MCPH1: variants seen among roughly 807,000 people sequenced by gnomAD.
MCPH1 encodes microcephalin 1.
MCPH1 carries 104 observed loss-of-function variants against 84.5 expected under a neutral mutation model. The ratio of observed to expected loss-of-function variants is 1.23; its 90% CI spans 1.05 to 1.45. The LOEUF (loss-of-function observed/expected upper bound fraction) is 1.45, where lower values mean the gene tolerates loss of function less well. Ranked by LOEUF, MCPH1 falls within the 40% of genes most tolerant of loss-of-function variation. MCPH1 has a pLI of 0.00. For synonymous variants in MCPH1, 514 were observed against 366.8 expected, an observed-to-expected ratio of 1.40 and a Z score of -4.58; for missense variants, 1,498 against 1,005.7, an observed-to-expected ratio of 1.49 and a Z score of -6.62.
In MCPH1 at chr8:6,518,165, A is replaced by G. The variant is rs1586299323; in HGVS notation, c.2214+18236A>G. ...AGATGAAACAATGTGATGGGGCTGCATGGTTAGCGGCTGTCCCTCTGCATC... is the reference window on the plus strand; with the variant it reads ...AGATGAAACAATGTGATGGGGCTGCGTGGTTAGCGGCTGTCCCTCTGCATC... On this transcript the variant is annotated intron_variant, in intron 12 of 13. Coordinates refer to ENST00000344683, the MANE Select transcript of MCPH1 (RefSeq NM_024596.5). Among the ~76,000 whole-genome samples, 3 of 152,256 alleles carry G rather than the reference A, an allele frequency of 2.0e-5. No individual in the cohort carries two copies. The South Asian group carries it at 6.2e-4, about 32-fold the overall frequency.
chr8:6,438,372 G>A (rs1406124986), intron 5 of MCPH1, among the ~76,000 whole-genome samples: 1 of 149,400 alleles, frequency 6.7e-6, no homozygotes, highest in Non-Finnish European at 1.5e-5. Flanking sequence ...GTATTTTTTT[G>A]TTGGGGGTGA....
intron 12 of MCPH1, among the ~76,000 whole-genome samples, chr8:6,540,121 C>G (rs186351459): frequency 1.3e-5 from 2 of 152,174 alleles, no homozygotes; most frequent in Non-Finnish European, 2.9e-5. Context: ...AATGTCTGTG[C>G]TCTGGCAAAT....
chr8:6,430,363 T>C (rs541071915), intron 3 of MCPH1, among the ~76,000 whole-genome samples: 1 of 152,304 alleles, frequency 6.6e-6, no homozygotes, highest in Admixed American at 6.5e-5. Flanking sequence ...TCCACTGCAT[T>C]GTATACTGAG....
chr8:6,537,820 TA>T (rs1335826335), intron 12 of MCPH1, among the ~76,000 whole-genome samples: 1 of 152,146 alleles, frequency 6.6e-6, no homozygotes, highest in Admixed American at 6.5e-5. Context: ...ATATGAAAAC[TA>T]TCCCCAACTT....
At position 6,442,148 on chromosome 8, in the gene MCPH1, T is replaced by A; in HGVS notation, c.662T>A (p.Leu221Ter). Reference protein sequence around the residue: ...EAPLNISRDTLCSDEYFAGGL... With the variant: ...EAPLNISRDT ...CCTTTGAACATTTCACGTGATACTT[T>A]GTGTTCAGGTAAAATTTTTATTTTC... The change falls in exon 7 of 14, where the codon TTG becomes TAG. Residue 221 changes from leucine to a stop codon, truncating the protein, a stop_gained. Coordinates refer to ENST00000344683, the MANE Select transcript of MCPH1 (RefSeq NM_024596.5). LOFTEE classifies it high-confidence loss of function. 6.2e-7 allele frequency: 1 copy of A among 1,601,998 alleles called. No individual in the cohort carries two copies. Among genetic ancestry groups the A allele is most frequent in the Non-Finnish European group, 8.6e-7 (1 of 1,169,074 alleles).
chr8:6,620,684 G>A (rs1036366741), intron 12 of MCPH1, among the ~76,000 whole-genome samples: 2 of 152,204 alleles, frequency 1.3e-5, no homozygotes, highest in South Asian at 2.1e-4. Flanking sequence ...ATAGCATCTC[G>A]CAGGGTGTGT....
At chr8:6,480,897 G>T in intron 11 of MCPH1, 21 bp downstream of exon 11, 1 of 1,612,600 alleles carries the variant, frequency 6.2e-7, no homozygotes, top group South Asian at 1.1e-5. Context: ...TGTGTGAACT[G>T]CGTATTTTAA....
chr8:6,477,998 G>A lies in MCPH1; in HGVS notation c.1973+367G>A, dbSNP rs1024466973. Among the ~76,000 whole-genome samples the A allele has an allele frequency of 2.0e-5, 3 of 152,206 alleles. No homozygotes were observed. In the South Asian group the frequency reaches 6.2e-4, roughly 32 times the overall value. On this transcript the variant is annotated intron_variant, in intron 10 of 13. Transcript: ENST00000344683. ...GAAAGCTTTCCACAGCAGTGTTAAA[G>A]TTGCTATGTATGCATTTTGTGGAAG...
chr8:6,455,159 A>C lies in MCPH1; in HGVS notation c.1842A>C (p.Pro614=). 1 of 1,613,988 alleles carries C rather than the reference A, an allele frequency of 6.2e-7. No individual in the cohort carries two copies. The highest frequency in any genetic ancestry group is 8.5e-7 in the Non-Finnish European group (1 of 1,179,864). ...GGGTTTTAGGTGTTAAAAATAGACC[A>C]ACAAGGCATGATGTTTTAGATGACT... ...GGYSGSVKNR[P]TRHDVLDDSC... Residue 614 remains proline, a synonymous_variant, in exon 9 of 14, where the codon CCA becomes CCC. Coordinates refer to ENST00000344683, the MANE Select transcript of MCPH1 (RefSeq NM_024596.5).
chr8:6,580,925 G>C (rs540382275), intron 12 of MCPH1, among the ~76,000 whole-genome samples: 2 of 152,238 alleles, frequency 1.3e-5, no homozygotes, highest in South Asian at 2.1e-4. Context: ...TGCATCTGTA[G>C]GTTCAACCAA....
intron 8 of MCPH1, chr8:6,446,933 C>T: frequency 4.1e-6 from 4 of 985,318 alleles, no homozygotes; most frequent in Non-Finnish European, 4.8e-6. Flanking sequence ...GGTGAGGGGC[C>T]AGCACTAGTT....
chr8:6,554,294 A>AT (rs1824192189), intron 12 of MCPH1, among the ~76,000 whole-genome samples: 1 of 146,976 alleles, frequency 6.8e-6, no homozygotes, highest in South Asian at 2.1e-4. Flanking sequence ...CAAGATCTGG[A>AT]TTTTAAAAAG....
chr8:6,562,578 T>TTTTTTTTTTTTTTTAAAA, intron 12 of MCPH1: 1 of 880,188 alleles, frequency 1.1e-6, no homozygotes, highest in Non-Finnish European at 1.6e-6. Flanking sequence ...TTTTGGTTGT[T>TTTTTTTTTTTTTTTAAAA]AAAACCTGAG....
chr8:6,562,552 CTTTTTTTTTTT>C lies in MCPH1; in HGVS notation c.2215-58893_2215-58883del. On this transcript the variant is annotated intron_variant, in intron 12 of 13. Transcript: ENST00000344683. ...AGCTCTAATCCTCTTCATCCTCCTT[CTTTTTTTTTTT>C]TTTTTTTTGGTTGTTAAAACCTGAG... 4.2e-5 allele frequency: 3 copies of C among 71,568 alleles called. 1 individual carries two copies. Among genetic ancestry groups the C allele is most frequent in the Non-Finnish European group, 2.6e-5 (1 of 38,488 alleles). The allele number at this position is 71,568 out of a possible 1,614,324, so 4.4% of individuals were successfully genotyped here.
intron 13 of MCPH1, among the ~76,000 whole-genome samples, chr8:6,624,408 T>A (rs1435432118): frequency 6.6e-6 from 1 of 150,798 alleles, no homozygotes; most frequent in Non-Finnish European, 1.5e-5. Flanking sequence ...GTAGTGGGCG[T>A]CTCCAGCGTA....
At chr8:6,566,897 C>G (rs113697871) in intron 12 of MCPH1, among the ~76,000 whole-genome samples, 7 of 143,250 alleles carry the variant, frequency 4.9e-5, no homozygotes, top group East Asian at 2.1e-4. Context: ...GTGCGGTGAC[C>G]ATGTGTGATC....
chr8:6,407,859 G>A (rs939291349), intron 1 of MCPH1, among the ~76,000 whole-genome samples: 1 of 152,058 alleles, frequency 6.6e-6, no homozygotes, highest in Non-Finnish European at 1.5e-5. Flanking sequence ...AGCTAAGAAT[G>A]TCTTTTACAT....
chr8:6,626,115 T>C, intron 13 of MCPH1: 1 of 985,298 alleles, frequency 1.0e-6, no homozygotes, highest in Non-Finnish European at 1.2e-6. Flanking sequence ...CGATAAAAAT[T>C]GTTAGTGATT....
chr8:6,479,485 A>G, intron 10 of MCPH1, among the ~76,000 whole-genome samples: 1 of 151,082 alleles, frequency 6.6e-6, no homozygotes. Flanking sequence ...CCCAGGCTGG[A>G]GTGCAGTGGC....
Sources: allele counts gnomAD v4.1 joint callset (sites outside exome capture counted in the v4.1 genomes callset), GRCh38; gene constraint gnomAD v4.1.1; transcripts MANE v1.5; gene names NCBI Gene and HGNC (gene_info 2026-07-23, HGNC 2026-07-21).